The following PDE8B variants were observed in gnomAD, a reference collection of about 807,000 sequenced individuals.
PDE8B encodes phosphodiesterase 8B.
A neutral mutation model predicts 101.3 loss-of-function variants in PDE8B; 26 were observed. That is an observed-to-expected ratio of 0.26 (90% CI 0.19 to 0.36). The LOEUF is 0.36. Ranked by LOEUF, PDE8B falls within the 10% of genes least tolerant of loss-of-function variation. The pLI, the probability that PDE8B is intolerant of heterozygous loss-of-function variation, is 1.00. For missense variants in PDE8B, 810 were observed against 1,163.1 expected, an observed-to-expected ratio of 0.70 and a Z score of 4.42; for synonymous variants, 424 against 429.3, an observed-to-expected ratio of 0.99 and a Z score of 0.15.
chr5:77,412,389 A>G (rs753808871), intron 16 of PDE8B, among the ~76,000 whole-genome samples, 154 bp downstream of exon 16: 2 of 152,102 alleles, frequency 1.3e-5, no homozygotes, highest in Non-Finnish European at 2.9e-5. Context: ...ATGAGCAGAG[A>G]GACTATGGCC....
At chr5:77,370,804 A>G (rs1303455352) in intron 10 of PDE8B, among the ~76,000 whole-genome samples, 2 of 152,230 alleles carry the variant, frequency 1.3e-5, no homozygotes, top group African/African-American at 4.8e-5. Flanking sequence ...GTTGCTGCAC[A>G]TCCTTGCCAA....
Position 77,325,532 on chromosome 5 carries a change from G to T in PDE8B, c.400-7G>T, listed in dbSNP as rs201875450. ...TATTTCAAGATGCCCTTTTTGTTGT[G>T]TTTCAGGTTTTGCTGATCTTTGCAA... is the stretch of plus-strand genomic sequence containing the variant. On this transcript the variant is annotated splice_region_variant and splice_polypyrimidine_tract_variant and intron_variant, in intron 2 of 21. Transcript: ENST00000264917. 290 of 1,613,420 alleles carry T rather than the reference G, an allele frequency of 1.8e-4. 1 individual carries two copies. Among genetic ancestry groups the T allele is most frequent in the Middle Eastern group, 6.6e-4 (4 of 6,062 alleles).
the PDE8B span, among the ~76,000 whole-genome samples, chr5:77,127,109 G>T: frequency 1.3e-5 from 2 of 152,110 alleles, no homozygotes; most frequent in Non-Finnish European, 2.9e-5. Flanking sequence ...ACATCCTCAA[G>T]ATCCACTTTC....
At chr5:77,101,562 G>T in the PDE8B span, among the ~76,000 whole-genome samples, 1 of 152,004 alleles carries the variant, frequency 6.6e-6, no homozygotes, top group Non-Finnish European at 1.5e-5. Flanking sequence ...ATGTTAGAAG[G>T]ATCTCTCCCT....
chr5:77,099,735 G>A, the PDE8B span, among the ~76,000 whole-genome samples: 1 of 151,994 alleles, frequency 6.6e-6, no homozygotes, highest in Non-Finnish European at 1.5e-5. Flanking sequence ...TCAGCCTCCC[G>A]AGTAGCTGGG....
chr5:77,261,142 G>A (rs1436838772), intron 1 of PDE8B, among the ~76,000 whole-genome samples: 1 of 152,110 alleles, frequency 6.6e-6, no homozygotes, highest in African/African-American at 2.4e-5. Flanking sequence ...TTTAGAAAAA[G>A]TCCAGTGGCT....
At chr5:77,284,783 A>G (rs1298846723) in intron 1 of PDE8B, among the ~76,000 whole-genome samples, 1 of 152,214 alleles carries the variant, frequency 6.6e-6, no homozygotes, top group South Asian at 2.1e-4. Flanking sequence ...TTCAGAAATA[A>G]TCCATCTTAT....
At chr5:77,331,539 G>T (rs1777129110) in intron 5 of PDE8B, 80 bp downstream of exon 5, 1 of 1,094,352 alleles carries the variant, frequency 9.1e-7, no homozygotes, top group African/African-American at 1.5e-5. Flanking sequence ...AAGCAAAGCT[G>T]CCACGGAGAA....
chr5:77,333,939 C>G (rs1777619775), intron 5 of PDE8B, among the ~76,000 whole-genome samples: 1 of 152,212 alleles, frequency 6.6e-6, no homozygotes. Context: ...TCAGTGCTGG[C>G]CCTGATAGAG....
Position 77,325,668 on chromosome 5 carries a change from C to A in PDE8B, c.529C>A (p.His177Asn), listed in dbSNP as rs777168728. ...CCTTGAATGCTTTCTTGATAAGCAT[C>A]ATGAAATTATTGTAATTGATCATAG... Reference protein sequence around the residue: ...SALECFLDKHHEIIVIDHRQT... With the variant: ...SALECFLDKHNEIIVIDHRQT... The change falls in exon 3 of 22, where the codon CAT (histidine) becomes AAT (asparagine). Residue 177 changes from histidine to asparagine, a missense_variant. By Grantham distance (68) the His-to-Asn change is moderately conservative. This residue lies in a region of PDE8B where 251 missense variants were observed against 378.8 expected (regional missense o/e 0.66). Coordinates refer to ENST00000264917, the MANE Select transcript of PDE8B (RefSeq NM_003719.5). 6.2e-7 allele frequency: 1 copy of A among 1,613,386 alleles called. No individual in the cohort carries two copies. The highest frequency in any genetic ancestry group is 1.1e-5 in the South Asian group (1 of 91,064).
At chr5:77,259,162 C>T (rs1759943329) in intron 1 of PDE8B, among the ~76,000 whole-genome samples, 1 of 147,882 alleles carries the variant, frequency 6.8e-6, no homozygotes, top group African/African-American at 2.5e-5. Flanking sequence ...CCCTCCTCTC[C>T]TGGTTCCTGC....
At chr5:77,166,530 A>G in the PDE8B span, 1 of 152,360 alleles carries the variant, frequency 6.6e-6, no homozygotes, top group Admixed American at 6.5e-5. Flanking sequence ...TGTGGCCTGG[A>G]ATAATGACGC....
intron 1 of PDE8B, among the ~76,000 whole-genome samples, chr5:77,259,340 T>C (rs1001179504): frequency 6.6e-6 from 1 of 152,066 alleles, no homozygotes; most frequent in Non-Finnish European, 1.5e-5. Context: ...CCACAAGAGA[T>C]TGGAATGTAA....
intron 9 of PDE8B, among the ~76,000 whole-genome samples, chr5:77,353,114 G>A (rs1781459964): frequency 6.6e-6 from 1 of 152,134 alleles, no homozygotes; most frequent in Non-Finnish European, 1.5e-5. Context: ...ATACCCATTA[G>A]GGAAGTGTTT....
At chr5:77,224,954 G>T (rs901314840) in intron 1 of PDE8B, among the ~76,000 whole-genome samples, 6 of 151,902 alleles carry the variant, frequency 3.9e-5, no homozygotes, top group African/African-American at 1.2e-4. Context: ...TAGGATTCAG[G>T]TTTATTTACT....
chr5:77,318,545 A>G (rs1013691109), intron 2 of PDE8B, among the ~76,000 whole-genome samples: 2 of 152,118 alleles, frequency 1.3e-5, no homozygotes, highest in African/African-American at 4.8e-5. Context: ...ATAATGCCCA[A>G]CTCCAAAGAG....
the PDE8B span, among the ~76,000 whole-genome samples, chr5:77,175,239 C>T: frequency 6.6e-6 from 1 of 152,162 alleles, no homozygotes; most frequent in African/African-American, 2.4e-5. Flanking sequence ...GCAGTTTCCA[C>T]CCTTCATCCC....
intron 1 of PDE8B, among the ~76,000 whole-genome samples, chr5:77,240,233 A>G (rs2149538859): frequency 6.6e-6 from 1 of 152,268 alleles, no homozygotes; most frequent in East Asian, 1.9e-4. Flanking sequence ...GGCTCACTGC[A>G]AGCTCCGCCT....
chr5:77,337,145 G>A, intron 5 of PDE8B, 82 bp from the exon 6 acceptor site: 1 of 785,714 alleles, frequency 1.3e-6, no homozygotes, highest in Non-Finnish European at 2.2e-6. Flanking sequence ...CCTGGGGATA[G>A]GAACAACTGT....
Sources: gnomAD v4.1 joint callset for allele counts (sites outside exome capture counted in the v4.1 genomes callset) on GRCh38, gnomAD v4.1.1 for gene constraint, gnomAD v4.1.1 regional missense constraint, MANE v1.5 for transcripts, NCBI Gene and HGNC (gene_info 2026-07-23, HGNC 2026-07-21) for gene names.